EXD1: variants seen among roughly 807,000 people sequenced by gnomAD.
EXD1 encodes the protein exonuclease 3'-5' domain containing 1.
EXD1 carries 63 observed loss-of-function variants against 49.1 expected under a neutral mutation model. That is an observed-to-expected ratio of 1.28 (90% confidence interval 1.05 to 1.58). The LOEUF (loss-of-function observed/expected upper bound fraction) is 1.58, where lower values mean the gene tolerates loss of function less well. Among genes scored for constraint, EXD1 ranks in the 40% most tolerant of loss-of-function variants. The pLI, the probability that EXD1 is intolerant of heterozygous loss-of-function variation, is 0.00. For missense variants in EXD1, 748 were observed against 666.0 expected (o/e 1.12, Z -1.36); for synonymous variants, 234 against 239.2 (o/e 0.98, Z 0.20).
At chr15:41,199,884 A>G (rs926969847) in intron 7 of EXD1, among the ~76,000 whole-genome samples, 2 of 145,070 alleles carry the variant, frequency 1.4e-5, no homozygotes, top group Admixed American at 1.4e-4. Flanking sequence ...TATCATATAT[A>G]TATGATATAT....
At chr15:41,196,999 A>AT (rs1285960823) in intron 7 of EXD1, among the ~76,000 whole-genome samples, 1 of 151,086 alleles carries the variant, frequency 6.6e-6, no homozygotes, top group Non-Finnish European at 1.5e-5. Context: ...TAATTTTTGT[A>AT]TTTTTTGTAG....
At chr15:41,202,402 C>G (rs778350999) in intron 7 of EXD1, among the ~76,000 whole-genome samples, 1 of 151,902 alleles carries the variant, frequency 6.6e-6, no homozygotes, top group Non-Finnish European at 1.5e-5. Context: ...GCCTTGAACT[C>G]TTGAGCTCAG....
rs768561227 is a variant in EXD1 at position 41,184,215 on chromosome 15, C to T, written c.1435G>A (p.Asp479Asn). Residue 479 changes from aspartate (D) to asparagine (N), a missense_variant, in exon 12 of 12, where the codon GAC (aspartate) becomes AAC (asparagine). Physicochemically the swap from Asp to Asn is conservative, Grantham distance 23 (BLOSUM62 1). Coordinates refer to ENST00000458580, the MANE Select transcript of EXD1 (RefSeq NM_001286441.2). ...LICTKSKGSE[D>N]QRITQKEHFM... is the part of the protein sequence containing the mutation. ...TGTTCTTTCTGAGTTATTCTCTGGT[C>T]CTCTGACCCCTTTGACTTTGTGCAA... The T allele has an allele frequency of 1.3e-5, 21 of 1,614,040 alleles. No individual in the cohort carries two copies. The highest frequency in any genetic ancestry group is 1.7e-5 in the Non-Finnish European group (20 of 1,180,052).
chr15:41,229,402 C>A (rs1378806280), intron 1 of EXD1, among the ~76,000 whole-genome samples: 1 of 151,984 alleles, frequency 6.6e-6, no homozygotes, highest in East Asian at 1.9e-4. Context: ...CCCTTGAACC[C>A]GCCTGGAGGT....
intron 5 of EXD1, among the ~76,000 whole-genome samples, chr15:41,216,318 AG>A (rs2046998088): frequency 5.6e-5 from 8 of 142,504 alleles, no homozygotes; most frequent in Admixed American, 1.4e-4. Context: ...AAAAAAAAAA[AG>A]AGAGAGAGAG....
At chr15:41,196,145 T>G (rs1357717619) in intron 7 of EXD1, 108 bp from the exon 8 acceptor site, 2 of 706,436 alleles carry the variant, frequency 2.8e-6, no homozygotes, top group African/African-American at 1.8e-5. Flanking sequence ...ACATCTTCAC[T>G]TTATTTATTT....
chr15:41,192,418 TC>T (rs962333943), intron 9 of EXD1, among the ~76,000 whole-genome samples: 14 of 151,828 alleles, frequency 9.2e-5, no homozygotes, highest in African/African-American at 3.4e-4. Flanking sequence ...TGCCTCAGCC[TC>T]CCGAGTAGCT....
rs550169196 is a variant in EXD1 at position 41,185,184 on chromosome 15, C to A, written c.1057-591G>T. Among the ~76,000 whole-genome samples the A allele has an allele frequency of 2.6e-5, 4 of 152,224 alleles. No individual in the cohort carries two copies. The South Asian group carries it at 8.3e-4, about 32-fold the overall frequency. ...CTCCCTTCCAGCCTGGCCTCAGCTG[C>A]GTTAGCAGGTACATCTTCTTAGAGC... On this transcript the variant is annotated intron_variant, in intron 11 of 11. Coordinates refer to ENST00000458580, the MANE Select transcript of EXD1 (RefSeq NM_001286441.2).
At chr15:41,221,831 G>A (rs781631564) in intron 2 of EXD1, among the ~76,000 whole-genome samples, 6 of 151,972 alleles carry the variant, frequency 3.9e-5, no homozygotes, top group East Asian at 1.9e-4. Flanking sequence ...GGCCAAGCGC[G>A]GTGGTTCACG....
At chr15:41,199,567 TCATATA>T (rs1301423913) in intron 7 of EXD1, among the ~76,000 whole-genome samples, 1 of 146,300 alleles carries the variant, frequency 6.8e-6, no homozygotes, top group East Asian at 2.0e-4. Context: ...ATCCTTTGTT[TCATATA>T]CATATACATA....
chr15:41,217,529 CTTTTT>C (rs3033817), intron 3 of EXD1, among the ~76,000 whole-genome samples: 1 of 127,132 alleles, frequency 7.9e-6, no homozygotes, highest in Non-Finnish European at 1.6e-5. Flanking sequence ...GAGGGTTTTC[CTTTTT>C]TTTTTTTTTT....
At chr15:41,197,133 A>G (rs1434009221) in intron 7 of EXD1, among the ~76,000 whole-genome samples, 1 of 151,412 alleles carries the variant, frequency 6.6e-6, no homozygotes, top group African/African-American at 2.4e-5. Context: ...CCACATCTTC[A>G]CTTTTAAATG....
chr15:41,191,695 A>G, intron 9 of EXD1, 110 bp from the exon 10 acceptor site: 1 of 1,009,012 alleles, frequency 9.9e-7, no homozygotes, highest in Non-Finnish European at 1.4e-6. Flanking sequence ...CCAAGGACCC[A>G]CACGATAGAC....
intron 7 of EXD1, among the ~76,000 whole-genome samples, chr15:41,207,616 T>G (rs187011944): frequency 1.8e-3 from 268 of 152,084 alleles, no homozygotes; most frequent in Non-Finnish European, 2.8e-3. Flanking sequence ...CTCTTAAATT[T>G]GATTTTTTTC....
At chr15:41,191,737 C>A in intron 9 of EXD1, 152 bp from the exon 10 acceptor site, 3 of 703,936 alleles carry the variant, frequency 4.3e-6, no homozygotes, top group Non-Finnish European at 6.5e-6. Context: ...GTTGTTCAGC[C>A]AACTTATTCT....
chr15:41,209,791 T>G (rs1312673965), intron 6 of EXD1, among the ~76,000 whole-genome samples: 1 of 152,198 alleles, frequency 6.6e-6, no homozygotes, highest in Non-Finnish European at 1.5e-5. Context: ...TTTTTTTGTT[T>G]TAGCAAAAGT....
chr15:41,200,285 G>A (rs190555734), intron 7 of EXD1, among the ~76,000 whole-genome samples: 1 of 152,272 alleles, frequency 6.6e-6, no homozygotes, highest in Non-Finnish European at 1.5e-5. Flanking sequence ...CACCTTGGGA[G>A]GCTGAGGTGG....
chr15:41,184,878 G>T (rs1035967144), intron 11 of EXD1, among the ~76,000 whole-genome samples: 1 of 151,930 alleles, frequency 6.6e-6, no homozygotes, highest in Non-Finnish European at 1.5e-5. Context: ...AGATGGTCTC[G>T]ATCTCCTGAC....
chr15:41,187,340 T>C (rs985403960), intron 11 of EXD1, among the ~76,000 whole-genome samples: 1 of 152,152 alleles, frequency 6.6e-6, no homozygotes, highest in Non-Finnish European at 1.5e-5. Context: ...ACCACCCACC[T>C]TGGCCTCCCA....
Sources: gnomAD v4.1 joint callset for allele counts (sites outside exome capture counted in the v4.1 genomes callset) on GRCh38, gnomAD v4.1.1 for gene constraint, MANE v1.5 for transcripts, NCBI Gene and HGNC (gene_info 2026-07-23, HGNC 2026-07-21) for gene names.